Variants in ST6GAL2 observed in about 807,000 individuals in gnomAD.
ST6GAL2 encodes the protein ST6 beta-galactoside alpha-2,6-sialyltransferase 2.
ST6GAL2 carries 24 observed loss-of-function variants against 37.5 expected under a neutral mutation model. The ratio of observed to expected loss-of-function variants is 0.64; its 90% CI spans 0.46 to 0.90. The LOEUF (loss-of-function observed/expected upper bound fraction) is 0.90, where lower values mean the gene tolerates loss of function less well. ST6GAL2 is among the 40% of genes least tolerant of loss of function. The probability of loss-of-function intolerance (pLI) is 0.00; values close to 1 mark genes in which losing one functional copy is unlikely to be tolerated. For missense variants in ST6GAL2, 715 were observed against 712.7 expected (o/e 1.00, Z -0.04); for synonymous variants, 306 against 295.1 (o/e 1.04, Z -0.38).
At chr2:106,862,485 A>G (rs1036887586) in intron 1 of ST6GAL2, among the ~76,000 whole-genome samples, 1 of 152,248 alleles carries the variant, frequency 6.6e-6, no homozygotes, top group African/African-American at 2.4e-5. Context: ...TATACCTAGA[A>G]TTCATTTCTG....
At chr2:106,829,751 G>A (rs565424416) in intron 5 of ST6GAL2, among the ~76,000 whole-genome samples, 1 of 151,878 alleles carries the variant, frequency 6.6e-6, no homozygotes, top group Non-Finnish European at 1.5e-5. Flanking sequence ...TTACTATACA[G>A]GTGGAACATG....
At chr2:106,864,204 C>T (rs1343644741) in intron 1 of ST6GAL2, among the ~76,000 whole-genome samples, 21 of 152,210 alleles carry the variant, frequency 1.4e-4, no homozygotes, top group Admixed American at 1.4e-3. Context: ...TTACCTCTAC[C>T]AAAACCAACC....
intron 5 of ST6GAL2, among the ~76,000 whole-genome samples, chr2:106,814,832 G>A (rs1045428646): frequency 2.6e-5 from 4 of 152,204 alleles, no homozygotes; most frequent in African/African-American, 7.2e-5. Context: ...GTCAGGCACA[G>A]TCAAAATGAC....
At chr2:106,822,453 C>T (rs998121093) in intron 5 of ST6GAL2, among the ~76,000 whole-genome samples, 3 of 151,818 alleles carry the variant, frequency 2.0e-5, no homozygotes, top group African/African-American at 7.3e-5. Context: ...AGTGAAAGAT[C>T]TCGATAATGA....
At chr2:106,853,838 A>G (rs765069900) in intron 1 of ST6GAL2, among the ~76,000 whole-genome samples, 12 of 152,184 alleles carry the variant, frequency 7.9e-5, no homozygotes, top group Non-Finnish European at 1.6e-4. Context: ...TCTATCAGTG[A>G]TTGTGCAGAG....
chr2:106,874,651 A>G (rs1265282541), intron 1 of ST6GAL2, among the ~76,000 whole-genome samples: 1 of 152,214 alleles, frequency 6.6e-6, no homozygotes, highest in Non-Finnish European at 1.5e-5. Context: ...AGCTATAAGC[A>G]GTGCACTGCT....
intron 5 of ST6GAL2, among the ~76,000 whole-genome samples, chr2:106,825,345 A>G (rs1365943049): frequency 6.6e-6 from 1 of 152,210 alleles, no homozygotes; most frequent in Non-Finnish European, 1.5e-5. Flanking sequence ...GTGCTCAGCT[A>G]TGCAAGTGAG....
intron 2 of ST6GAL2, among the ~76,000 whole-genome samples, chr2:106,840,960 T>C (rs1676856165): frequency 6.6e-6 from 1 of 152,190 alleles, no homozygotes; most frequent in Non-Finnish European, 1.5e-5. Flanking sequence ...AGAACTGTGG[T>C]GTTATTTCAC....
At chr2:106,810,569 AG>A (rs1158411490) in intron 5 of ST6GAL2, among the ~76,000 whole-genome samples, 1 of 152,160 alleles carries the variant, frequency 6.6e-6, no homozygotes, top group Non-Finnish European at 1.5e-5. Context: ...ATCTACCCTG[AG>A]TGTTTAGGCG....
In ST6GAL2 at chr2:106,814,959, G is replaced by A. The variant is rs367842427; in HGVS notation, c.1319-8010C>T. On this transcript the variant is annotated intron_variant, in intron 5 of 5. Coordinates refer to ENST00000409382, the MANE Select transcript of ST6GAL2 (RefSeq NM_001142351.2). ...ATGGGCTGAGTGTAAGGAAGCTAAT[G>A]AGATGGAGAAGTTGTTCCAAAGAAA... 1.2e-4 allele frequency among the ~76,000 whole-genome samples: 18 copies of A among 152,328 alleles called. No homozygotes were observed. In the South Asian group the frequency reaches 3.3e-3, roughly 28 times the overall value.
At chr2:106,845,510 C>T (rs1369199621) in intron 1 of ST6GAL2, among the ~76,000 whole-genome samples, 4 of 152,158 alleles carry the variant, frequency 2.6e-5, no homozygotes, top group African/African-American at 7.2e-5. Flanking sequence ...GTGACCCCCA[C>T]GATCCTTCCC....
chr2:106,864,101 C>A (rs892375258), intron 1 of ST6GAL2, among the ~76,000 whole-genome samples: 1 of 152,182 alleles, frequency 6.6e-6, no homozygotes, highest in African/African-American at 2.4e-5. Flanking sequence ...GGAAGATGGG[C>A]AACCGCATTC....
At position 106,801,883 on chromosome 2, in the gene ST6GAL2, G is replaced by A. The variant is rs1196524414; in HGVS notation, c.*4795C>T. The A allele has an allele frequency of 1.3e-5, 2 of 152,068 alleles. No homozygotes were observed. The highest frequency in any genetic ancestry group is 1.3e-4 in the Admixed American group (2 of 15,278). 9.4% of individuals were successfully genotyped at this position (152,068 alleles called of 1,614,324 possible). On this transcript the variant is annotated 3_prime_UTR_variant, in exon 6 of 6. Transcript: ENST00000409382. Reference sequence around the variant, plus strand: ...TTTCATCTAGAATAAAACAGGATTTGTTATAAATGTTAGATTTTAACACCA... The same window carrying A: ...TTTCATCTAGAATAAAACAGGATTTATTATAAATGTTAGATTTTAACACCA...
At chr2:106,808,114 T>C (rs1416600294) in intron 5 of ST6GAL2, among the ~76,000 whole-genome samples, 3 of 152,208 alleles carry the variant, frequency 2.0e-5, no homozygotes, top group African/African-American at 7.2e-5. Flanking sequence ...GACAGTAATA[T>C]TCCCTAATTA....
At chr2:106,859,042 A>C (rs1364100077) in intron 1 of ST6GAL2, among the ~76,000 whole-genome samples, 1 of 152,226 alleles carries the variant, frequency 6.6e-6, no homozygotes, top group African/African-American at 2.4e-5. Context: ...CTGGCTGCCA[A>C]TGCTGCGACA....
intron 1 of ST6GAL2, among the ~76,000 whole-genome samples, chr2:106,883,406 T>A (rs887035703): frequency 2.0e-5 from 3 of 152,230 alleles, no homozygotes; most frequent in Non-Finnish European, 4.4e-5. Context: ...CCACTAACAG[T>A]GGCTGGTCAT....
chr2:106,816,835 G>A (rs1398381787), intron 5 of ST6GAL2, among the ~76,000 whole-genome samples: 1 of 152,182 alleles, frequency 6.6e-6, no homozygotes, highest in Non-Finnish European at 1.5e-5. Flanking sequence ...AAGAGAGTCG[G>A]AAACTCAGTC....
At chr2:106,872,646 G>A (rs1219347769) in intron 1 of ST6GAL2, among the ~76,000 whole-genome samples, 4 of 149,296 alleles carry the variant, frequency 2.7e-5, no homozygotes, top group South Asian at 2.2e-4. Context: ...TTTCGCTCTC[G>A]TCACCCAGGG....
rs1677049127 is a variant in ST6GAL2 at position 106,844,020 on chromosome 2, G to C, written c.-43C>G. On this transcript the variant is annotated 5_prime_UTR_variant, in exon 2 of 6. Transcript: ENST00000409382. ...AGCACCTTGTGTCTTAATGCAGATGGGTGGCAGAATGAACCTGAAAAACAG... is the reference window on the plus strand; with the variant it reads ...AGCACCTTGTGTCTTAATGCAGATGCGTGGCAGAATGAACCTGAAAAACAG... 2 of 1,479,904 alleles carry C rather than the reference G, an allele frequency of 1.4e-6. No homozygotes were observed. The highest frequency in any genetic ancestry group is 1.4e-5 in the African/African-American group (1 of 71,558). 91.7% of individuals were successfully genotyped at this position (1,479,904 alleles called of 1,614,324 possible).
Sources: allele counts gnomAD v4.1 joint callset (sites outside exome capture counted in the v4.1 genomes callset), GRCh38; gene constraint gnomAD v4.1.1; transcripts MANE v1.5; gene names NCBI Gene and HGNC (gene_info 2026-07-23, HGNC 2026-07-21).